FOXK1: variants seen among roughly 807,000 people sequenced by gnomAD.
FOXK1 encodes the protein forkhead box K1.
Under a neutral mutation model 51.9 loss-of-function variants are expected in FOXK1, and 19 were observed. The observed-to-expected ratio is 0.37, with a 90% CI of 0.26 to 0.54. FOXK1 has a LOEUF of 0.54. FOXK1 is among the 20% of genes least tolerant of loss of function. The pLI, the probability that FOXK1 is intolerant of heterozygous loss-of-function variation, is 0.87. For synonymous variants in FOXK1, 537 were observed against 482.6 expected, an observed-to-expected ratio of 1.11 and a Z score of -1.48; for missense variants, 870 against 1,032.7, an observed-to-expected ratio of 0.84 and a Z score of 2.16.
chr7:4,760,546 A>G (rs1291247006), intron 7 of FOXK1, among the ~76,000 whole-genome samples: 1 of 152,210 alleles, frequency 6.6e-6, no homozygotes, highest in Non-Finnish European at 1.5e-5. Context: ...GGTTAAAGCT[A>G]AGGTATTTAA....
Position 4,735,924 on chromosome 7 carries a change from C to T in FOXK1, c.561-4914C>T, listed in dbSNP as rs968377576. Reference sequence around the variant, plus strand: ...ATCCCAGCACTTTGAGAGGCTGATGCGGGTGGATCACTTGAGGTCAGGAGT... The same window carrying T: ...ATCCCAGCACTTTGAGAGGCTGATGTGGGTGGATCACTTGAGGTCAGGAGT... On this transcript the variant is annotated intron_variant, in intron 1 of 8. Coordinates refer to ENST00000328914, the MANE Select transcript of FOXK1 (RefSeq NM_001037165.2). This position sits in a 1 kb window ranked among gnomAD's most constrained non-coding sequence, Gnocchi z 4.7. Among the ~76,000 whole-genome samples, 5 of 152,060 alleles carry T rather than the reference C, an allele frequency of 3.3e-5. No individual in the cohort carries two copies. The highest frequency in any genetic ancestry group is 5.9e-5 in the Non-Finnish European group (4 of 68,012).
Position 4,759,449 on chromosome 7 carries a change from A to T in FOXK1, c.1550A>T (p.Gln517Leu). ...GCGGGCCACGCCATCCACGTCGTGC[A>T]GCAGGCCCCCACCGTCACCATGGTC... Reference protein sequence around the residue: ...QPAGHAIHVVQQAPTVTMVRV... With the variant: ...QPAGHAIHVVLQAPTVTMVRV... The change falls in exon 7 of 9, where the codon CAG (glutamine) becomes CTG (leucine). Residue 517 changes from glutamine to leucine, a missense_variant. Physicochemically the swap from Gln to Leu is moderately radical, Grantham distance 113 (BLOSUM62 -2). This residue lies in a region of FOXK1 where 457 missense variants were observed against 510.8 expected (regional missense o/e 0.89). Transcript: ENST00000328914. 1 of 1,593,586 alleles carries T rather than the reference A, an allele frequency of 6.3e-7. No homozygotes were observed.
In FOXK1 at chr7:4,682,542, C is replaced by T. The variant is rs1237686764; in HGVS notation, c.234C>T (p.Ser78=). 2 of 1,144,260 alleles carry T rather than the reference C, an allele frequency of 1.7e-6. No individual in the cohort carries two copies. The highest frequency in any genetic ancestry group is 4.2e-5 in the South Asian group (1 of 23,786). The allele number at this position is 1,144,260 out of a possible 1,614,324, so 70.9% of individuals were successfully genotyped here. ...AGSSGGSSGV[S]GDSAVAGAAP... is the part of the protein sequence containing the mutation. Reference sequence around the variant, plus strand: ...CCTCCGGGGGCTCCTCCGGGGTATCCGGGGACTCCGCGGTCGCGGGCGCGG... The same window carrying T: ...CCTCCGGGGGCTCCTCCGGGGTATCTGGGGACTCCGCGGTCGCGGGCGCGG... Residue 78 remains serine (S), a synonymous_variant, in exon 1 of 9, where the codon TCC becomes TCT. Transcript: ENST00000328914. This position sits in a 1 kb window ranked among gnomAD's most constrained non-coding sequence, Gnocchi z 7.6.
chr7:4,761,385 C>A lies in FOXK1; in HGVS notation c.1921+97C>A. On this transcript the variant is annotated intron_variant, in intron 8 of 8. Coordinates refer to ENST00000328914, the MANE Select transcript of FOXK1 (RefSeq NM_001037165.2). This position sits in a 1 kb window ranked among gnomAD's most constrained non-coding sequence, Gnocchi z 6.2. The stretch of plus-strand genomic sequence containing the variant: ...AATGTTCTCCCAGTATCTCCCGATC[C>A]TCCACTCAGTTCAATTTATTGAGCA... The A allele has an allele frequency of 8.3e-7, 1 of 1,211,854 alleles. No individual in the cohort carries two copies. Among genetic ancestry groups the A allele is most frequent in the Non-Finnish European group, 1.2e-6 (1 of 861,146 alleles). The allele number at this position is 1,211,854 out of a possible 1,614,324, so 75.1% of individuals were successfully genotyped here.
chr7:4,740,551 C>G (rs1448323505), intron 1 of FOXK1, among the ~76,000 whole-genome samples: 1 of 152,052 alleles, frequency 6.6e-6, no homozygotes, highest in Admixed American at 6.6e-5. Flanking sequence ...GCTGAGGTTG[C>G]GGTGAGCTGA....
chr7:4,725,310 C>T (rs1780365616), intron 1 of FOXK1, among the ~76,000 whole-genome samples: 1 of 152,142 alleles, frequency 6.6e-6, no homozygotes, highest in African/African-American at 2.4e-5. Flanking sequence ...GGAAATGCAG[C>T]GAGCACAGAG....
rs1781089468 is a variant in FOXK1 at position 4,770,869 on chromosome 7, G to C, written c.*8405G>C. 2.3e-5 allele frequency: 1 copy of C among 43,068 alleles called. No individual in the cohort carries two copies. Among genetic ancestry groups the C allele is most frequent in the Non-Finnish European group, 5.8e-5 (1 of 17,304 alleles). 2.7% of individuals were successfully genotyped at this position (43,068 alleles called of 1,614,324 possible). On this transcript the variant is annotated 3_prime_UTR_variant, in exon 9 of 9. Transcript: ENST00000328914. ...GGGAGGGGCGGGTGTTGTTCGGTGT[G>C]TGTGTGTGTGTGTGTGTGTGTGTGT...
chr7:4,709,008 T>G lies in FOXK1; in HGVS notation c.560+26140T>G, dbSNP rs1239486150. On this transcript the variant is annotated intron_variant, in intron 1 of 8. Coordinates refer to ENST00000328914, the MANE Select transcript of FOXK1 (RefSeq NM_001037165.2). The surrounding 1 kb of genome is among the most constrained non-coding windows in gnomAD (Gnocchi z 5.6). The stretch of plus-strand genomic sequence containing the variant: ...TGAATCCGAGAGGTGGAGGTTGCAG[T>G]GAGCCAAGATCGCCCCACTGCACTC... Among the ~76,000 whole-genome samples, 1 of 142,284 alleles carries G rather than the reference T, an allele frequency of 7.0e-6. No individual in the cohort carries two copies. The highest frequency in any genetic ancestry group is 2.7e-5 in the African/African-American group (1 of 37,256). 93.3% of individuals were successfully genotyped at this position (142,284 alleles called of 152,430 possible). A position where few individuals can be genotyped will look rare whatever the true frequency, so the allele number is the denominator to read the frequency against.
chr7:4,699,106 A>G (rs1440640436), intron 1 of FOXK1, among the ~76,000 whole-genome samples: 1 of 152,158 alleles, frequency 6.6e-6, no homozygotes. Flanking sequence ...AGTCATCTGA[A>G]TCTGGGACAG....
chr7:4,716,785 C>CGTAA (rs1280005759), intron 1 of FOXK1, among the ~76,000 whole-genome samples: 1 of 152,232 alleles, frequency 6.6e-6, no homozygotes, highest in African/African-American at 2.4e-5. Context: ...AGCTGGCTTA[C>CGTAA]ATAGGCGTCA....
chr7:4,732,042 G>T (rs1780484615), intron 1 of FOXK1, among the ~76,000 whole-genome samples: 1 of 152,144 alleles, frequency 6.6e-6, no homozygotes, highest in African/African-American at 2.4e-5. Flanking sequence ...AGCCAGGCAG[G>T]TCTGACTTCA....
In FOXK1 at chr7:4,723,712, G is replaced by A. The variant is rs1173251653; in HGVS notation, c.561-17126G>A. ...AGATAGGGTCTTGCTCTGTCTCCCA[G>A]GCTGGAGTGCAGTGGTGCAATCGTA... On this transcript the variant is annotated intron_variant, in intron 1 of 8. Transcript: ENST00000328914. This position sits in a 1 kb window ranked among gnomAD's most constrained non-coding sequence, Gnocchi z 4.7. Among the ~76,000 whole-genome samples the A allele has an allele frequency of 1.3e-5, 2 of 152,186 alleles. No homozygotes were observed. The highest frequency in any genetic ancestry group is 4.8e-5 in the African/African-American group (2 of 41,432).
At chr7:4,714,683 A>G (rs553901927) in intron 1 of FOXK1, among the ~76,000 whole-genome samples, 1 of 152,192 alleles carries the variant, frequency 6.6e-6, no homozygotes, top group South Asian at 2.1e-4. Context: ...CATCTTAAGG[A>G]TTTTGGCTTA....
At chr7:4,737,393 T>C (rs1318231070) in intron 1 of FOXK1, among the ~76,000 whole-genome samples, 1 of 152,152 alleles carries the variant, frequency 6.6e-6, no homozygotes, top group Non-Finnish European at 1.5e-5. Context: ...TCATCATGAC[T>C]GCCATCGTGT....
intron 1 of FOXK1, among the ~76,000 whole-genome samples, chr7:4,693,049 G>A (rs1168908471): frequency 1.3e-5 from 2 of 151,944 alleles, no homozygotes; most frequent in South Asian, 2.1e-4. Flanking sequence ...TATAATATCC[G>A]TAGATGTTTT....
chr7:4,727,340 G>A (rs1780392984), intron 1 of FOXK1, among the ~76,000 whole-genome samples: 1 of 151,850 alleles, frequency 6.6e-6, no homozygotes, highest in Non-Finnish European at 1.5e-5. Context: ...TTTGGCAAGG[G>A]CGTCTTACTC....
At chr7:4,718,620 G>A (rs1312587779) in intron 1 of FOXK1, among the ~76,000 whole-genome samples, 2 of 152,232 alleles carry the variant, frequency 1.3e-5, no homozygotes, top group African/African-American at 4.8e-5. Context: ...ACCCGGGAGT[G>A]CAGTGCCTAA....
chr7:4,762,438 C>G lies in FOXK1; in HGVS notation c.2176C>G (p.Pro726Ala). The G allele has an allele frequency of 6.5e-7, 1 of 1,546,042 alleles. No homozygotes were observed. The highest frequency in any genetic ancestry group is 8.7e-7 in the Non-Finnish European group (1 of 1,144,668). ...GGCTGGAGTGATCGCAGCTGCCGGCCCCCAGGGGCCAGGCACCGGGGAGTG... is the reference window on the plus strand; with the variant it reads ...GGCTGGAGTGATCGCAGCTGCCGGCGCCCAGGGGCCAGGCACCGGGGAGTG... Reference protein sequence around the residue: ...TPAGVIAAAGPQGPGTGE With the variant: ...TPAGVIAAAGAQGPGTGE Residue 726 changes from proline (P) to alanine (A), a missense_variant, in exon 9 of 9, where the codon CCC becomes GCC. This residue lies in a region of FOXK1 where 457 missense variants were observed against 510.8 expected (regional missense o/e 0.89). Transcript: ENST00000328914. This position sits in a 1 kb window ranked among gnomAD's most constrained non-coding sequence, Gnocchi z 5.7.
rs1218443226 is a variant in FOXK1 at position 4,764,088 on chromosome 7, C to G, written c.*1624C>G. Reference sequence around the variant, plus strand: ...AGGGCATTTGAGGGAGGTGGCTGGACAGGTGTCTCCCTGAAGAAGAAGGGA... The same window carrying G: ...AGGGCATTTGAGGGAGGTGGCTGGAGAGGTGTCTCCCTGAAGAAGAAGGGA... On this transcript the variant is annotated 3_prime_UTR_variant, in exon 9 of 9. Transcript: ENST00000328914. 6.6e-6 allele frequency: 1 copy of G among 152,506 alleles called. No homozygotes were observed. Among genetic ancestry groups the G allele is most frequent in the Non-Finnish European group, 1.5e-5 (1 of 68,292 alleles). The allele number at this position is 152,506 out of a possible 1,614,324, so 9.4% of individuals were successfully genotyped here. A position where few individuals can be genotyped will look rare whatever the true frequency, so the allele number is the denominator to read the frequency against.
Sources: allele counts gnomAD v4.1 joint callset (sites outside exome capture counted in the v4.1 genomes callset), GRCh38; gene constraint gnomAD v4.1.1; regional missense constraint gnomAD v4.1.1; non-coding constraint Gnocchi (gnomAD v3.1); transcripts MANE v1.5; gene names NCBI Gene and HGNC (gene_info 2026-07-23, HGNC 2026-07-21).